The following NCOA3 variants were observed in gnomAD, a reference collection of about 807,000 sequenced individuals.
NCOA3 encodes the protein nuclear receptor coactivator 3.
In NCOA3, 51 loss-of-function variants were observed where a neutral mutation model predicts 158.8. The observed-to-expected ratio is 0.32, with a 90% CI of 0.26 to 0.41. The LOEUF (loss-of-function observed/expected upper bound fraction) is 0.41, where lower values mean the gene tolerates loss of function less well. NCOA3 is among the 10% of genes least tolerant of loss of function. NCOA3 has a pLI of 1.00. For synonymous variants in NCOA3, 537 were observed against 592.4 expected (o/e 0.91, Z 1.36); for missense variants, 1,510 against 1,746.6 (o/e 0.86, Z 2.41).
chr20:47,567,004 G>A (rs528849252), intron 1 of NCOA3, among the ~76,000 whole-genome samples: 23 of 137,548 alleles, frequency 1.7e-4, no homozygotes, highest in Non-Finnish European at 3.5e-4. Flanking sequence ...AGTTTACATG[G>A]TATAGTACTA....
chr20:47,606,383 G>C (rs1160918555), intron 2 of NCOA3, among the ~76,000 whole-genome samples: 1 of 152,162 alleles, frequency 6.6e-6, no homozygotes, highest in African/African-American at 2.4e-5. Context: ...ATGCGGTGAT[G>C]CATAAAATTG....
chr20:47,625,820 C>A (rs557758087), intron 5 of NCOA3, among the ~76,000 whole-genome samples: 1 of 152,062 alleles, frequency 6.6e-6, no homozygotes, highest in Non-Finnish European at 1.5e-5. Context: ...ATGGGTTTTG[C>A]ACCACAGATT....
At position 47,654,753 on chromosome 20, in the gene NCOA3, ATAAACT is replaced by A. The variant is rs1276187300; in HGVS notation, c.*1341_*1346del. The stretch of plus-strand genomic sequence containing the variant: ...GGGGGGAAAGAATAGATATGGGGAA[ATAAACT>A]TAAAAAAAAATCAGGAATTTAAAAA... On this transcript the variant is annotated 3_prime_UTR_variant, in exon 23 of 23. Transcript: ENST00000371998. 5.9e-5 allele frequency: 9 copies of A among 152,256 alleles called. No homozygotes were observed. Among genetic ancestry groups the A allele is most frequent in the African/African-American group, 2.2e-4 (9 of 41,440 alleles). The allele number at this position is 152,256 out of a possible 1,614,324, so 9.4% of individuals were successfully genotyped here.
chr20:47,635,472 C>A lies in NCOA3; in HGVS notation c.1263C>A (p.Asp421Glu), dbSNP rs777579135. ...GCAGCAGGGCCTATGGCTTGGCAGACCCTAGCACCACAGGGCAGATGAGTG... is the reference window on the plus strand; with the variant it reads ...GCAGCAGGGCCTATGGCTTGGCAGAACCTAGCACCACAGGGCAGATGAGTG... ...MPSSRAYGLA[D>E]PSTTGQMSGA... is the part of the protein sequence containing the mutation. Residue 421 changes from aspartate (D) to glutamate (E), a missense_variant, in exon 11 of 23, where the codon GAC (aspartate) becomes GAA (glutamate). Asp to Glu is a conservative substitution (Grantham distance 45). This residue lies in a region of NCOA3 where 1,017 missense variants were observed against 1,098.3 expected (regional missense o/e 0.93). Transcript: ENST00000371998. 6.2e-7 allele frequency: 1 copy of A among 1,613,898 alleles called. No homozygotes were observed. Among genetic ancestry groups the A allele is most frequent in the Non-Finnish European group, 8.5e-7 (1 of 1,179,962 alleles).
intron 1 of NCOA3, among the ~76,000 whole-genome samples, chr20:47,553,703 T>G (rs1408383594): frequency 6.6e-6 from 1 of 152,008 alleles, no homozygotes; most frequent in Non-Finnish European, 1.5e-5. Context: ...CCAGCTTCAT[T>G]CATGTCCCTA....
intron 1 of NCOA3, among the ~76,000 whole-genome samples, chr20:47,570,982 A>ATGTGTGTGTGTGTG (rs1224807146): frequency 2.0e-4 from 16 of 80,502 alleles, no homozygotes; most frequent in East Asian, 6.4e-4. Flanking sequence ...GTATATACAT[A>ATGTGTGTGTGTGTG]TATGTGTGTG....
At chr20:47,542,892 G>T (rs1190028574) in intron 1 of NCOA3, among the ~76,000 whole-genome samples, 1 of 152,206 alleles carries the variant, frequency 6.6e-6, no homozygotes, top group Non-Finnish European at 1.5e-5. Flanking sequence ...CTTGAGCTGG[G>T]ACGTGGAGGT....
intron 1 of NCOA3, among the ~76,000 whole-genome samples, chr20:47,510,859 A>G (rs1301313452): frequency 2.8e-4 from 43 of 152,250 alleles, no homozygotes; most frequent in Non-Finnish European, 4.4e-5. Context: ...CTGGGATTAC[A>G]GATGTGAGCC....
chr20:47,635,407 G>A lies in NCOA3; in HGVS notation c.1198G>A (p.Gly400Ser), dbSNP rs937049382. The change falls in exon 11 of 23, where the codon GGC (glycine) becomes AGC (serine). Residue 400 changes from glycine to serine, a missense_variant. Physicochemically the swap from Gly to Ser is moderately conservative, Grantham distance 56. This residue lies in a region of NCOA3 where 1,017 missense variants were observed against 1,098.3 expected (regional missense o/e 0.93). Coordinates refer to ENST00000371998, the MANE Select transcript of NCOA3 (RefSeq NM_181659.3). Reference sequence around the variant, plus strand: ...GGCTGGATGCAACAGTTCGGTAGGCGGCATGAGTATGTCGCCAAACCAAGG... The same window carrying A: ...GGCTGGATGCAACAGTTCGGTAGGCAGCATGAGTATGTCGCCAAACCAAGG... ...PMAGCNSSVGGMSMSPNQGLQ... is the reference protein window; with the variant it reads ...PMAGCNSSVGSMSMSPNQGLQ... 4 of 1,614,022 alleles carry A rather than the reference G, an allele frequency of 2.5e-6. No homozygotes were observed. The highest frequency in any genetic ancestry group is 2.7e-5 in the African/African-American group (2 of 74,898).
chr20:47,526,410 T>G (rs202056209), intron 1 of NCOA3, among the ~76,000 whole-genome samples: 3 of 152,024 alleles, frequency 2.0e-5, no homozygotes, highest in African/African-American at 4.8e-5. Flanking sequence ...CAAGGCAGGC[T>G]GCTGGGAGGT....
In NCOA3 at chr20:47,649,063, G is replaced by GTGC; in HGVS notation, c.3609_3611dup (p.Ala1204dup). ...AAAATGGAAAACCCTACTGCTGGTG[G>GTGC]TGCTGCGGTGATGAGGCCTATGATG... is the stretch of plus-strand genomic sequence containing the variant. On this transcript the variant is annotated inframe_insertion, in exon 19 of 23. Transcript: ENST00000371998. 3 of 1,614,118 alleles carry GTGC rather than the reference G, an allele frequency of 1.9e-6. No homozygotes were observed. The highest frequency in any genetic ancestry group is 2.5e-6 in the Non-Finnish European group (3 of 1,179,996).
chr20:47,643,390 A>G (rs1267979217), intron 17 of NCOA3, among the ~76,000 whole-genome samples: 1 of 152,254 alleles, frequency 6.6e-6, no homozygotes, highest in East Asian at 1.9e-4. Context: ...AACGCTGAGC[A>G]GTCCTTGTGT....
intron 2 of NCOA3, among the ~76,000 whole-genome samples, chr20:47,590,526 T>A (rs2146237597): frequency 6.6e-6 from 1 of 152,212 alleles, no homozygotes; most frequent in African/African-American, 2.4e-5. Flanking sequence ...TATTAAATTG[T>A]GAGCTAGAGG....
chr20:47,554,019 T>C (rs2084964200), intron 1 of NCOA3, among the ~76,000 whole-genome samples: 1 of 152,194 alleles, frequency 6.6e-6, no homozygotes, highest in Admixed American at 6.5e-5. Flanking sequence ...CCACCAACAG[T>C]GTAAAAGTGT....
At position 47,636,139 on chromosome 20, in the gene NCOA3, T is replaced by C. The variant is rs1417219920; in HGVS notation, c.1753T>C (p.Cys585Arg). Residue 585 changes from cysteine to arginine, a missense_variant, in exon 12 of 23, where the codon TGT becomes CGT. By Grantham distance (180) the Cys-to-Arg change is radical. This residue lies in a region of NCOA3 where 1,017 missense variants were observed against 1,098.3 expected (regional missense o/e 0.93). Coordinates refer to ENST00000371998, the MANE Select transcript of NCOA3 (RefSeq NM_181659.3). ...CCAAAATCCAGTGGAGAGTTCAATG[T>C]GTCAGTCAAATAGCAGAGATCACCT... is the stretch of plus-strand genomic sequence containing the variant. ...CDQNPVESSMCQSNSRDHLSD... is the reference protein window; with the variant it reads ...CDQNPVESSMRQSNSRDHLSD... 11 of 1,614,088 alleles carry C rather than the reference T, an allele frequency of 6.8e-6. No homozygotes were observed. Among genetic ancestry groups the C allele is most frequent in the Admixed American group, 1.7e-5 (1 of 60,006 alleles).
In NCOA3 at chr20:47,639,197, G is replaced by C; in HGVS notation, c.2702G>C (p.Ser901Thr). ...GATAGTCAGGAAAATTATGGCTCAAGTATGGGTACGTTATTTCTAATTAGT... is the reference window on the plus strand; with the variant it reads ...GATAGTCAGGAAAATTATGGCTCAACTATGGGTACGTTATTTCTAATTAGT... ...MMDSQENYGS[S>T]MGGPNRNVTV... The change falls in exon 14 of 23, where the codon AGT becomes ACT. Residue 901 changes from serine to threonine, a missense_variant. Physicochemically the swap from Ser to Thr is moderately conservative, Grantham distance 58. Transcript: ENST00000371998. 1 of 1,609,432 alleles carries C rather than the reference G, an allele frequency of 6.2e-7. No individual in the cohort carries two copies. The highest frequency in any genetic ancestry group is 8.5e-7 in the Non-Finnish European group (1 of 1,175,974).
intron 2 of NCOA3, among the ~76,000 whole-genome samples, chr20:47,586,320 C>A (rs369565651): frequency 1.3e-5 from 2 of 152,200 alleles, no homozygotes; most frequent in East Asian, 3.9e-4. Flanking sequence ...TCCAGACTTA[C>A]CCACTTGCTT....
intron 1 of NCOA3, among the ~76,000 whole-genome samples, chr20:47,505,059 T>C (rs2084010030): frequency 9.7e-6 from 1 of 103,000 alleles, no homozygotes; most frequent in African/African-American, 3.1e-5. Flanking sequence ...TTTTTTCTTT[T>C]CTTTCTTTTT....
intron 2 of NCOA3, among the ~76,000 whole-genome samples, chr20:47,616,200 G>GA (rs2086133125): frequency 7.8e-6 from 1 of 128,018 alleles, no homozygotes; most frequent in East Asian, 2.3e-4. Flanking sequence ...TTAAATGCAG[G>GA]TTTTTTTTTT....
Sources: gnomAD v4.1 joint callset for allele counts (sites outside exome capture counted in the v4.1 genomes callset) on GRCh38, gnomAD v4.1.1 for gene constraint, gnomAD v4.1.1 regional missense constraint, MANE v1.5 for transcripts, NCBI Gene and HGNC (gene_info 2026-07-23, HGNC 2026-07-21) for gene names.